Variants in ZNF627 observed in about 807,000 individuals in gnomAD.
ZNF627 encodes zinc finger protein 627.
In ZNF627, 12 loss-of-function variants were observed where a neutral mutation model predicts 10.6. The observed-to-expected ratio is 1.13, with a 90% CI of 0.73 to 1.84. ZNF627 has a LOEUF of 1.84. ZNF627 is among the 40% of genes most tolerant of loss of function. The pLI, the probability that ZNF627 is intolerant of heterozygous loss-of-function variation, is 0.00. For synonymous variants in ZNF627, 176 were observed against 187.1 expected (o/e 0.94, Z 0.48); for missense variants, 504 against 568.4 (o/e 0.89, Z 1.15).
Position 11,617,175 on chromosome 19 carries a change from A to G in ZNF627, c.672A>G (p.Glu224=). 2 of 1,612,782 alleles carry G rather than the reference A, an allele frequency of 1.2e-6. No homozygotes were observed. The highest frequency in any genetic ancestry group is 1.1e-5 in the South Asian group (1 of 91,032). The change falls in exon 4 of 4, where the codon GAA becomes GAG. Residue 224 remains glutamate (E), a synonymous_variant. Coordinates refer to ENST00000361113, the MANE Select transcript of ZNF627 (RefSeq NM_145295.4). ...ERSHTGEKPY[E]CKQCGKAFSC... is the part of the protein sequence containing the mutation. ...GTCACACTGGAGAGAAACCTTATGA[A>G]TGCAAGCAATGTGGGAAAGCCTTCA...
Position 11,597,526 on chromosome 19 carries a change from C to T in ZNF627, c.-102C>T. The T allele has an allele frequency of 1.6e-6, 2 of 1,230,264 alleles. No individual in the cohort carries two copies. Among genetic ancestry groups the T allele is most frequent in the Non-Finnish European group, 2.1e-6 (2 of 963,144 alleles). The allele number at this position is 1,230,264 out of a possible 1,614,324, so 76.2% of individuals were successfully genotyped here. ...CACCCGGGCTCGCGTCTCCGTTTCT[C>T]CGAGAGGCCCAAGGTGTCTCCGCCG... is the stretch of plus-strand genomic sequence containing the variant. On this transcript the variant is annotated 5_prime_UTR_variant, in exon 1 of 4. Transcript: ENST00000361113.
chr19:11,617,936 G>C lies in ZNF627; in HGVS notation c.*47G>C. On this transcript the variant is annotated 3_prime_UTR_variant, in exon 4 of 4. Coordinates refer to ENST00000361113, the MANE Select transcript of ZNF627 (RefSeq NM_145295.4). ...GAAACCCCATGAAAGTAAGAAATTTGGGAAAGCCTTCAGTCCTTTCTGTTT... is the reference window on the plus strand; with the variant it reads ...GAAACCCCATGAAAGTAAGAAATTTCGGAAAGCCTTCAGTCCTTTCTGTTT... The C allele has an allele frequency of 6.8e-7, 1 of 1,460,150 alleles. No homozygotes were observed. Among genetic ancestry groups the C allele is most frequent in the Non-Finnish European group, 9.1e-7 (1 of 1,102,016 alleles). The allele number at this position is 1,460,150 out of a possible 1,614,324, so 90.4% of individuals were successfully genotyped here. A position where few individuals can be genotyped will look rare whatever the true frequency, so the allele number is the denominator to read the frequency against.
At chr19:11,604,351 G>A (rs1489018158) in intron 1 of ZNF627, 1 of 152,240 alleles carries the variant, frequency 6.6e-6, no homozygotes, top group Non-Finnish European at 1.5e-5. Context: ...TGAATTGGCA[G>A]CCAGGACTCC....
At position 11,609,666 on chromosome 19, in the gene ZNF627, T is replaced by C. The variant is rs1292711437; in HGVS notation, c.4-4861T>C. Among the ~76,000 whole-genome samples, 4 of 151,556 alleles carry C rather than the reference T, an allele frequency of 2.6e-5. No individual in the cohort carries two copies. In the South Asian group the frequency reaches 8.4e-4, roughly 32 times the overall value. ...CCAGGTAGCTGGGATTACAGGCGCC[T>C]GCCACCATGCCCGGCTAATGTTTGT... is the stretch of plus-strand genomic sequence containing the variant. On this transcript the variant is annotated intron_variant, in intron 1 of 3. Coordinates refer to ENST00000361113, the MANE Select transcript of ZNF627 (RefSeq NM_145295.4).
chr19:11,602,132 C>T (rs1158624144), intron 1 of ZNF627, among the ~76,000 whole-genome samples: 2 of 150,872 alleles, frequency 1.3e-5, no homozygotes, highest in African/African-American at 4.9e-5. Flanking sequence ...ATGCAGGGTG[C>T]AAAATCCCAC....
At chr19:11,612,504 C>T (rs1386145758) in intron 1 of ZNF627, among the ~76,000 whole-genome samples, 2 of 144,740 alleles carry the variant, frequency 1.4e-5, no homozygotes, top group East Asian at 4.0e-4. Context: ...TTACTGCAAC[C>T]TCTGCGTGCT....
Position 11,618,304 on chromosome 19 carries a change from A to G in ZNF627, c.*415A>G, listed in dbSNP as rs922370741. The G allele has an allele frequency of 6.1e-6, 1 of 163,362 alleles. No homozygotes were observed. The highest frequency in any genetic ancestry group is 2.4e-5 in the African/African-American group (1 of 41,858). The allele number at this position is 163,362 out of a possible 1,614,324, so 10.1% of individuals were successfully genotyped here. A position where few individuals can be genotyped will look rare whatever the true frequency, so the allele number is the denominator to read the frequency against. ...CATTTTCCTGCTTCTTTGGGTTGCC[A>G]ATCAAGAGTATCCTCAAAACGACTT... On this transcript the variant is annotated 3_prime_UTR_variant, in exon 4 of 4. Coordinates refer to ENST00000361113, the MANE Select transcript of ZNF627 (RefSeq NM_145295.4).
Position 11,617,566 on chromosome 19 carries a change from A to G in ZNF627, c.1063A>G (p.Arg355Gly). Residue 355 changes from arginine to glycine, a missense_variant, in exon 4 of 4, where the codon AGG (arginine) becomes GGG (glycine). Transcript: ENST00000361113. ...CCCCAGTTCATTTCGAATCCATGAA[A>G]GGACCCACACTGGAGAGAAACCCTA... ...DFPSSFRIHE[R>G]THTGEKPYDC... is the part of the protein sequence containing the mutation. 1 of 1,613,894 alleles carries G rather than the reference A, an allele frequency of 6.2e-7. No homozygotes were observed. The highest frequency in any genetic ancestry group is 1.1e-5 in the South Asian group (1 of 91,080).
chr19:11,599,441 G>A (rs1973547391), intron 1 of ZNF627, among the ~76,000 whole-genome samples: 1 of 152,178 alleles, frequency 6.6e-6, no homozygotes, highest in Non-Finnish European at 1.5e-5. Context: ...GGTGAAGTGA[G>A]AAAACTTATC....
intron 1 of ZNF627, among the ~76,000 whole-genome samples, chr19:11,609,471 T>TATA (rs1568441689): frequency 1.9e-5 from 1 of 54,012 alleles, no homozygotes; most frequent in Non-Finnish European, 5.1e-5. Context: ...TTAAAAAATT[T>TATA]TATATATATA....
intron 3 of ZNF627, 48 bp from the exon 4 acceptor site, chr19:11,616,647 C>A (rs370645494): frequency 2.9e-4 from 357 of 1,243,972 alleles, no homozygotes; most frequent in Non-Finnish European, 3.7e-4. Flanking sequence ...AATATAAAAT[C>A]ATTTATAAAC....
In ZNF627 at chr19:11,617,205, T is replaced by C. The variant is rs1973886644; in HGVS notation, c.702T>C (p.Cys234=). 2.5e-6 allele frequency: 4 copies of C among 1,613,306 alleles called. No individual in the cohort carries two copies. The East Asian group carries it at 6.7e-5, about 27-fold the overall frequency. ...AGCAATGTGGGAAAGCCTTCAGTTGTTCCAGTTACATTAGAATACATGAAA... is the reference window on the plus strand; with the variant it reads ...AGCAATGTGGGAAAGCCTTCAGTTGCTCCAGTTACATTAGAATACATGAAA... The part of the protein sequence containing the change: ...ECKQCGKAFS[C]SSYIRIHERT... The change falls in exon 4 of 4, where the codon TGT becomes TGC. Residue 234 remains cysteine (C), a synonymous_variant. Coordinates refer to ENST00000361113, the MANE Select transcript of ZNF627 (RefSeq NM_145295.4).
rs892346064 is a variant in ZNF627, at chr19:11,618,931, A to G, written c.*1042A>G. On this transcript the variant is annotated 3_prime_UTR_variant, in exon 4 of 4. Transcript: ENST00000361113. ...AGCGTTAACCATGTGCATACAACTT[A>G]AGGAATTTTTTCCTCCTCATGTAAA... 5 of 152,194 alleles carry G rather than the reference A, an allele frequency of 3.3e-5. No individual in the cohort carries two copies. The highest frequency in any genetic ancestry group is 1.2e-4 in the African/African-American group (5 of 41,444). The allele number at this position is 152,194 out of a possible 1,614,324, so 9.4% of individuals were successfully genotyped here.
In ZNF627 at chr19:11,616,690, A is replaced by G. The variant is rs185922641; in HGVS notation, c.192-5A>G. ...TAATAATGTACTTCTCATTTTTCTG[A>G]CAAGTCATATTCCAGAGAGACTCTG... On this transcript the variant is annotated splice_region_variant and splice_polypyrimidine_tract_variant and intron_variant, in intron 3 of 3. Coordinates refer to ENST00000361113, the MANE Select transcript of ZNF627 (RefSeq NM_145295.4). 2.8e-4 allele frequency: 435 copies of G among 1,542,886 alleles called. No individual in the cohort carries two copies. The highest frequency in any genetic ancestry group is 2.5e-4 in the Non-Finnish European group (286 of 1,147,092).
intron 1 of ZNF627, chr19:11,604,457 TG>T (rs930141612): frequency 6.6e-6 from 1 of 152,176 alleles, no homozygotes; most frequent in Non-Finnish European, 1.5e-5. Context: ...ACCCAGATCA[TG>T]GGGTGACAAC....
chr19:11,606,772 A>G (rs12978186), intron 1 of ZNF627, among the ~76,000 whole-genome samples: 2 of 152,094 alleles, frequency 1.3e-5, no homozygotes, highest in African/African-American at 4.8e-5. Flanking sequence ...CCAAACCTCA[A>G]TTCTTGTCTT....
intron 1 of ZNF627, among the ~76,000 whole-genome samples, chr19:11,598,458 C>A (rs997439488): frequency 2.0e-5 from 3 of 152,042 alleles, no homozygotes; most frequent in Admixed American, 2.0e-4. Context: ...GAATTTCATT[C>A]GACTTAGATT....
intron 1 of ZNF627, among the ~76,000 whole-genome samples, chr19:11,608,047 G>A (rs1475925381): frequency 6.6e-6 from 1 of 152,194 alleles, no homozygotes; most frequent in Non-Finnish European, 1.5e-5. Context: ...GCATGGCTGG[G>A]AAGGCCTCAG....
Position 11,617,597 on chromosome 19 carries a change from G to A in ZNF627, c.1094G>A (p.Cys365Tyr), listed in dbSNP as rs779732581. 4.3e-6 allele frequency: 7 copies of A among 1,613,860 alleles called. No homozygotes were observed. The highest frequency in any genetic ancestry group is 2.2e-5 in the South Asian group (2 of 91,072). The change falls in exon 4 of 4, where the codon TGT becomes TAT. Residue 365 changes from cysteine to tyrosine, a missense_variant. Physicochemically the swap from Cys to Tyr is radical, Grantham distance 194. Transcript: ENST00000361113. ...CACACTGGAGAGAAACCCTATGATTGTAAGCAATGTGGGAAAGCCTTCAGT... is the reference window on the plus strand; with the variant it reads ...CACACTGGAGAGAAACCCTATGATTATAAGCAATGTGGGAAAGCCTTCAGT... The part of the protein sequence containing the change: ...RTHTGEKPYD[C>Y]KQCGKAFSCS...
Sources: allele counts gnomAD v4.1 joint callset (sites outside exome capture counted in the v4.1 genomes callset), GRCh38; gene constraint gnomAD v4.1.1; transcripts MANE v1.5; gene names NCBI Gene and HGNC (gene_info 2026-07-23, HGNC 2026-07-21).